The following SLC14A2 variants were observed in gnomAD, a reference collection of about 807,000 sequenced individuals.
SLC14A2 encodes urea transporter 2.
In SLC14A2, 91 loss-of-function variants were observed where a neutral mutation model predicts 104.6. The observed-to-expected ratio is 0.87, with a 90% CI of 0.73 to 1.04. The LOEUF is 1.04. SLC14A2 is among the 50% of genes least tolerant of loss of function. SLC14A2 has a pLI of 0.00. For synonymous variants in SLC14A2, 476 were observed against 466.4 expected (o/e 1.02, Z -0.27); for missense variants, 1,189 against 1,156.0 (o/e 1.03, Z -0.41).
intron 1 of SLC14A2, among the ~76,000 whole-genome samples, chr18:45,338,376 A>AT (rs913282191): frequency 1.3e-5 from 2 of 151,410 alleles, no homozygotes; most frequent in African/African-American, 2.4e-5. Flanking sequence ...AATTTTTTGT[A>AT]TTTTTTAGTA....
At chr18:45,463,331 G>A (rs547846571) in intron 1 of SLC14A2, among the ~76,000 whole-genome samples, 1 of 152,334 alleles carries the variant, frequency 6.6e-6, no homozygotes, top group East Asian at 1.9e-4. Context: ...CCCACCAGCT[G>A]TGTGACGTTG....
chr18:45,214,223 C>T (rs185138994), intron 1 of SLC14A2, among the ~76,000 whole-genome samples: 13 of 152,240 alleles, frequency 8.5e-5, no homozygotes, highest in Non-Finnish European at 1.5e-4. Context: ...TTACTCAACC[C>T]GACTCATATC....
intron 1 of SLC14A2, among the ~76,000 whole-genome samples, chr18:45,307,435 ACC>A (rs72049594): frequency 4.6e-5 from 5 of 108,370 alleles, no homozygotes; most frequent in East Asian, 2.4e-4. Flanking sequence ...AAAAAAAAAA[ACC>A]AAAAAACCAA....
chr18:45,466,928 A>G (rs1380002318), intron 1 of SLC14A2, among the ~76,000 whole-genome samples: 3 of 151,912 alleles, frequency 2.0e-5, no homozygotes, highest in African/African-American at 7.3e-5. Context: ...CAGGTAGAGA[A>G]CCCTTCTCCC....
At chr18:45,503,840 T>TGTTCTCATGATGCTTCCC (rs376168648) in intron 2 of SLC14A2, among the ~76,000 whole-genome samples, 2 of 151,720 alleles carry the variant, frequency 1.3e-5, no homozygotes, top group East Asian at 1.9e-4. Flanking sequence ...TTATCAAAGA[T>TGTTCTCATGATGCTTCCC]ACCACTGGAA....
At chr18:45,381,263 G>C (rs1179083957) in intron 1 of SLC14A2, among the ~76,000 whole-genome samples, 1 of 152,226 alleles carries the variant, frequency 6.6e-6, no homozygotes, top group African/African-American at 2.4e-5. Context: ...AATGCAGTCT[G>C]ATAGTGATGA....
At chr18:45,233,377 T>A (rs545253954) in intron 1 of SLC14A2, among the ~76,000 whole-genome samples, 1 of 152,316 alleles carries the variant, frequency 6.6e-6, no homozygotes, top group East Asian at 1.9e-4. Flanking sequence ...CAGCTCTGGT[T>A]ATACAAATTA....
At chr18:45,580,098 G>A (rs529252230) in intron 2 of SLC14A2, among the ~76,000 whole-genome samples, 7 of 152,272 alleles carry the variant, frequency 4.6e-5, no homozygotes, top group Admixed American at 1.3e-4. Context: ...CAATCCTTAC[G>A]CAAAGCCACG....
intron 2 of SLC14A2, among the ~76,000 whole-genome samples, chr18:45,515,008 CA>C (rs1226477258): frequency 6.6e-6 from 1 of 152,126 alleles, no homozygotes; most frequent in Non-Finnish European, 1.5e-5. Flanking sequence ...ATAAGAACCC[CA>C]TGAAGCATCC....
chr18:45,366,473 GAC>G (rs1033239478), intron 1 of SLC14A2, among the ~76,000 whole-genome samples: 5 of 152,290 alleles, frequency 3.3e-5, no homozygotes, highest in African/African-American at 1.2e-4. Flanking sequence ...CCTACAAAAA[GAC>G]AGTGTGCAAT....
intron 7 of SLC14A2, among the ~76,000 whole-genome samples, chr18:45,640,542 T>C (rs2144552597): frequency 6.6e-6 from 1 of 152,320 alleles, no homozygotes; most frequent in South Asian, 2.1e-4. Flanking sequence ...CACATTTAAA[T>C]AGGTATTTGC....
Position 45,661,176 on chromosome 18 carries a change from T to C in SLC14A2, c.1352-2609T>C, listed in dbSNP as rs145840402. Among the ~76,000 whole-genome samples the C allele has an allele frequency of 5.3e-3, 813 of 152,234 alleles. 10 individuals are homozygous for C. The highest frequency in any genetic ancestry group is 0.019 in the African/African-American group (780 of 41,526). ...AGCCATGTCAGCTCTGCCAGGGCAA[T>C]CACCTACCCACCCATCCAAAGACCT... On this transcript the variant is annotated intron_variant, in intron 10 of 19. Transcript: ENST00000255226.
chr18:45,238,666 G>A (rs537992105), intron 1 of SLC14A2, among the ~76,000 whole-genome samples: 1 of 152,296 alleles, frequency 6.6e-6, no homozygotes, highest in African/African-American at 2.4e-5. Flanking sequence ...AAATAGGTGG[G>A]CATAGATAGG....
chr18:45,676,260 G>A (rs1415292875), intron 18 of SLC14A2, among the ~76,000 whole-genome samples: 6 of 152,182 alleles, frequency 3.9e-5, no homozygotes, highest in Admixed American at 6.5e-5. Flanking sequence ...GCCACTCTAG[G>A]CTCTCTTAGT....
At chr18:45,602,205 G>A (rs1251978903) in intron 2 of SLC14A2, among the ~76,000 whole-genome samples, 1 of 152,256 alleles carries the variant, frequency 6.6e-6, no homozygotes, top group Non-Finnish European at 1.5e-5. Flanking sequence ...TGTGTGTGAA[G>A]TGCCCAGCAC....
At chr18:45,676,421 C>T (rs2046230671) in intron 18 of SLC14A2, among the ~76,000 whole-genome samples, 1 of 152,198 alleles carries the variant, frequency 6.6e-6, no homozygotes, top group Admixed American at 6.5e-5. Flanking sequence ...ATATCCCTGG[C>T]TACCAACTCC....
the SLC14A2 span, among the ~76,000 whole-genome samples, chr18:45,204,529 A>G: frequency 2.6e-5 from 4 of 152,214 alleles, no homozygotes; most frequent in South Asian, 2.1e-4. Flanking sequence ...TTTAAAGTCA[A>G]TGATGGAGAC....
chr18:45,217,420 T>G (rs918020199), intron 1 of SLC14A2, among the ~76,000 whole-genome samples: 2 of 151,906 alleles, frequency 1.3e-5, no homozygotes, highest in East Asian at 3.9e-4. Context: ...CACATAGTTA[T>G]GAGTGTGATT....
intron 1 of SLC14A2, among the ~76,000 whole-genome samples, chr18:45,407,973 A>G (rs915085104): frequency 6.6e-6 from 1 of 152,214 alleles, no homozygotes. Flanking sequence ...ACACAGAGAC[A>G]TGAAGTGAGT....
Sources: allele counts gnomAD v4.1 joint callset (sites outside exome capture counted in the v4.1 genomes callset), GRCh38; gene constraint gnomAD v4.1.1; transcripts MANE v1.5; gene names NCBI Gene and HGNC (gene_info 2026-07-23, HGNC 2026-07-21).